Variants in SMAD2 observed in about 807,000 individuals in gnomAD.
SMAD2 encodes SMAD family member 2, also known as MAD homolog 2.
In SMAD2, 8 loss-of-function variants were observed where a neutral mutation model predicts 64.4. The ratio of observed to expected loss-of-function variants is 0.12; its 90% confidence interval spans 0.07 to 0.22. The LOEUF (loss-of-function observed/expected upper bound fraction) is 0.22, where lower values mean the gene tolerates loss of function less well. Ranked by LOEUF, SMAD2 falls within the 10% of genes least tolerant of loss-of-function variation. The pLI is 1.00. For missense variants in SMAD2, 289 were observed against 561.2 expected, an observed-to-expected ratio of 0.51 and a Z score of 4.90; for synonymous variants, 203 against 195.8, an observed-to-expected ratio of 1.04 and a Z score of -0.31.
Position 47,841,153 on chromosome 18 carries a change from AAAAC to A in SMAD2, c.*670_*673del, listed in dbSNP as rs1913914293. The A allele has an allele frequency of 5.8e-6, 1 of 173,832 alleles. No homozygotes were observed. Among genetic ancestry groups the A allele is most frequent in the African/African-American group, 3.6e-5 (1 of 27,440 alleles). 10.8% of individuals were successfully genotyped at this position (173,832 alleles called of 1,614,324 possible). A position where few individuals can be genotyped will look rare whatever the true frequency, so the allele number is the denominator to read the frequency against. On this transcript the variant is annotated 3_prime_UTR_variant, in exon 11 of 11. Transcript: ENST00000262160. ...TAATAAGATTTAGCAGTTAAAAAAA[AAAAC>A]AAAAAAAAACAAAAAACCACAAAAA... is the stretch of plus-strand genomic sequence containing the variant.
At chr18:47,923,346 AG>A (rs1337095549) in intron 1 of SMAD2, among the ~76,000 whole-genome samples, 1 of 152,198 alleles carries the variant, frequency 6.6e-6, no homozygotes, top group Non-Finnish European at 1.5e-5. Context: ...TGGGGTCCTC[AG>A]GCCATAAAAG....
chr18:47,850,241 ATATATTATAT>A (rs1568039927), intron 7 of SMAD2, among the ~76,000 whole-genome samples: 2 of 92,488 alleles, frequency 2.2e-5, no homozygotes, highest in African/African-American at 9.2e-5. Flanking sequence ...ATTATATATT[ATATATTATAT>A]ATATTATGTA....
intron 1 of SMAD2, among the ~76,000 whole-genome samples, chr18:47,924,597 G>T (rs1201490503): frequency 6.6e-6 from 1 of 151,938 alleles, no homozygotes; most frequent in Admixed American, 6.6e-5. Context: ...GAGCAGCTGG[G>T]ACTACAGGTA....
intron 2 of SMAD2, chr18:47,886,687 T>C (rs1051140753): frequency 7.2e-5 from 11 of 152,462 alleles, no homozygotes; most frequent in African/African-American, 2.7e-4. Flanking sequence ...TCTCCTTATA[T>C]ATTTCAGTTC....
rs959204556 is a variant in SMAD2, at chr18:47,826,854, A to C, written c.*14973T>G. 10 of 152,214 alleles carry C rather than the reference A, an allele frequency of 6.6e-5. No individual in the cohort carries two copies. Among genetic ancestry groups the C allele is most frequent in the Admixed American group, 3.9e-4 (6 of 15,290 alleles). 9.4% of individuals were successfully genotyped at this position (152,214 alleles called of 1,614,324 possible). A position where few individuals can be genotyped will look rare whatever the true frequency, so the allele number is the denominator to read the frequency against. On this transcript the variant is annotated 3_prime_UTR_variant, in exon 11 of 11. Coordinates refer to ENST00000262160, the MANE Select transcript of SMAD2 (RefSeq NM_005901.6). ...CTAGACTGTGCAGATTTAGCCATCT[A>C]ATACTGAGTACCCACTTCAGGCTGA...
intron 8 of SMAD2, among the ~76,000 whole-genome samples, chr18:47,846,177 A>C (rs1185268931): frequency 6.6e-6 from 1 of 152,160 alleles, no homozygotes; most frequent in Non-Finnish European, 1.5e-5. Context: ...TTTCTTAGAG[A>C]TCCCACTTAA....
chr18:47,811,073 T>C lies in SMAD2; in HGVS notation c.*30754A>G, dbSNP rs1912185672. ...CTGACTCTATCCCCCAAGCCCCAAA[T>C]GTGCAATAAAGAAAGTAAAAATTAG... is the stretch of plus-strand genomic sequence containing the variant. On this transcript the variant is annotated 3_prime_UTR_variant, in exon 11 of 11. Transcript: ENST00000262160. 6.6e-6 allele frequency: 1 copy of C among 152,258 alleles called. No homozygotes were observed. Among genetic ancestry groups the C allele is most frequent in the African/African-American group, 2.4e-5 (1 of 41,434 alleles). The allele number at this position is 152,258 out of a possible 1,614,324, so 9.4% of individuals were successfully genotyped here.
chr18:47,925,911 C>CT (rs2034743673), intron 1 of SMAD2, among the ~76,000 whole-genome samples: 1 of 152,220 alleles, frequency 6.6e-6, no homozygotes, highest in Admixed American at 6.5e-5. Flanking sequence ...AACAGAGAGA[C>CT]TGGCCAACTA....
chr18:47,838,484 G>A lies in SMAD2; in HGVS notation c.*3343C>T. The A allele has an allele frequency of 4.3e-6, 1 of 233,016 alleles. No homozygotes were observed. Among genetic ancestry groups the A allele is most frequent in the Non-Finnish European group, 8.5e-6 (1 of 117,912 alleles). The allele number at this position is 233,016 out of a possible 1,614,324, so 14.4% of individuals were successfully genotyped here. A position where few individuals can be genotyped will look rare whatever the true frequency, so the allele number is the denominator to read the frequency against. On this transcript the variant is annotated 3_prime_UTR_variant, in exon 11 of 11. Transcript: ENST00000262160. The stretch of plus-strand genomic sequence containing the variant: ...ATCACAGTGGCTGGGCAAACAACAG[G>A]CATCAATAAATGTTTACTAACTGAA...
rs370844231 is a variant in SMAD2 at position 47,845,644 on chromosome 18, T to A, written c.1135+19A>T. Reference sequence around the variant, plus strand: ...AGCAAGTTGACATGATAGGTTTATGTACATTATTGAATCCATACCTGGTGG... The same window carrying A: ...AGCAAGTTGACATGATAGGTTTATGAACATTATTGAATCCATACCTGGTGG... On this transcript the variant is annotated intron_variant, in intron 9 of 10. Coordinates refer to ENST00000262160, the MANE Select transcript of SMAD2 (RefSeq NM_005901.6). 6.2e-7 allele frequency: 1 copy of A among 1,613,404 alleles called. No individual in the cohort carries two copies. The highest frequency in any genetic ancestry group is 8.5e-7 in the Non-Finnish European group (1 of 1,179,344).
intron 1 of SMAD2, among the ~76,000 whole-genome samples, chr18:47,906,219 G>T (rs1161587512): frequency 6.6e-6 from 1 of 151,910 alleles, no homozygotes; most frequent in African/African-American, 2.4e-5. Flanking sequence ...AACTTCTTGA[G>T]TACCAACATG....
At chr18:47,911,077 C>T (rs1040010568) in intron 1 of SMAD2, among the ~76,000 whole-genome samples, 101 of 152,214 alleles carry the variant, frequency 6.6e-4, no homozygotes, top group African/African-American at 2.2e-3. Context: ...AACTGCCAGG[C>T]GTGGTGGCTC....
intron 10 of SMAD2, among the ~76,000 whole-genome samples, chr18:47,843,402 C>A (rs941551070): frequency 4.6e-5 from 7 of 152,138 alleles, no homozygotes; most frequent in African/African-American, 1.7e-4. Context: ...TCCCACTTCC[C>A]TTTCTAGAAT....
intron 6 of SMAD2, among the ~76,000 whole-genome samples, chr18:47,855,428 A>G (rs1170787447): frequency 2.0e-5 from 3 of 152,176 alleles, no homozygotes; most frequent in Non-Finnish European, 4.4e-5. Flanking sequence ...TTTTGTGAGA[A>G]ATCACCAAAC....
At chr18:47,894,037 T>C (rs1349146958) in intron 2 of SMAD2, among the ~76,000 whole-genome samples, 1 of 152,166 alleles carries the variant, frequency 6.6e-6, no homozygotes, top group Non-Finnish European at 1.5e-5. Context: ...CAAAAGAGGC[T>C]GTAAAAAGAA....
intron 7 of SMAD2, among the ~76,000 whole-genome samples, chr18:47,850,207 T>C (rs1474197288): frequency 1.1e-5 from 1 of 91,982 alleles, no homozygotes; most frequent in African/African-American, 4.2e-5. Context: ...TATATATATA[T>C]TATTATATAT....
chr18:47,922,891 G>A (rs924842022), intron 1 of SMAD2, among the ~76,000 whole-genome samples: 1 of 152,174 alleles, frequency 6.6e-6, no homozygotes, highest in Non-Finnish European at 1.5e-5. Flanking sequence ...GGCCCCCATG[G>A]AGAATGATGG....
chr18:47,929,946 T>C (rs1295334718), intron 1 of SMAD2, among the ~76,000 whole-genome samples: 2 of 151,596 alleles, frequency 1.3e-5, no homozygotes, highest in East Asian at 1.9e-4. Context: ...ACACAAGCCA[T>C]GGAAAACCCG....
chr18:47,916,721 T>G (rs554896171), intron 1 of SMAD2, among the ~76,000 whole-genome samples: 1 of 152,310 alleles, frequency 6.6e-6, no homozygotes, highest in South Asian at 2.1e-4. Context: ...ATGACTAAGT[T>G]TTTAAATCAT....
Sources: allele counts gnomAD v4.1 joint callset (sites outside exome capture counted in the v4.1 genomes callset), GRCh38; gene constraint gnomAD v4.1.1; transcripts MANE v1.5; gene names NCBI Gene and HGNC (gene_info 2026-07-23, HGNC 2026-07-21).